Variants in PRDM16 observed in about 807,000 individuals in gnomAD.
The protein encoded by PRDM16 is histone-lysine N-methyltransferase PRDM16.
In PRDM16, 23 loss-of-function variants were observed where a neutral mutation model predicts 110.6. That is an observed-to-expected ratio of 0.21 (90% CI 0.15 to 0.29). The LOEUF (loss-of-function observed/expected upper bound fraction) is 0.29, where lower values mean the gene tolerates loss of function less well. PRDM16 is among the 10% of genes least tolerant of loss of function. The pLI is 1.00. For missense variants in PRDM16, 1,615 were observed against 1,794.3 expected (o/e 0.90, Z 1.81); for synonymous variants, 799 against 781.8 (o/e 1.02, Z -0.37).
chr1:3,436,328 C>T lies in PRDM16; in HGVS notation c.*2517C>T, dbSNP rs1638908869. The T allele has an allele frequency of 4.3e-6, 1 of 231,370 alleles. No homozygotes were observed. Among genetic ancestry groups the T allele is most frequent in the African/African-American group, 2.2e-5 (1 of 45,322 alleles). 14.3% of individuals were successfully genotyped at this position (231,370 alleles called of 1,614,324 possible). A position where few individuals can be genotyped will look rare whatever the true frequency, so the allele number is the denominator to read the frequency against. ...CCCTTACCGTTGGTCTCCGGATCCC[C>T]CAGTCCCATCCCGCCGTTTTCGGCT... On this transcript the variant is annotated 3_prime_UTR_variant, in exon 17 of 17. Transcript: ENST00000270722.
chr1:3,166,288 G>A lies in PRDM16; in HGVS notation c.38-19837G>A, dbSNP rs1411772583. Among the ~76,000 whole-genome samples the A allele has an allele frequency of 2.6e-5, 4 of 152,392 alleles. No individual in the cohort carries two copies. The East Asian group carries it at 7.7e-4, about 29-fold the overall frequency. On this transcript the variant is annotated intron_variant, in intron 1 of 16. Transcript: ENST00000270722. ...CTCAAACACGGGGCTGTCTGGTGGT[G>A]GGCGTTCTGCGGAGGCAACTCCGAT...
At chr1:3,280,050 GA>G (rs141979943) in intron 3 of PRDM16, among the ~76,000 whole-genome samples, 16,029 of 144,208 alleles carry the variant, frequency 0.11, 1,027 homozygotes, top group East Asian at 0.28. Flanking sequence ...CAAGCAGGGT[GA>G]AAAAAAAAAA....
At chr1:3,387,470 G>T (rs368799403) in intron 4 of PRDM16, among the ~76,000 whole-genome samples, 1 of 152,160 alleles carries the variant, frequency 6.6e-6, no homozygotes, top group African/African-American at 2.4e-5. Flanking sequence ...GGGCACTTCC[G>T]ACCCCCTCAA....
At chr1:3,218,315 T>C (rs1033045694) in intron 2 of PRDM16, among the ~76,000 whole-genome samples, 6 of 152,222 alleles carry the variant, frequency 3.9e-5, no homozygotes, top group Non-Finnish European at 8.8e-5. Context: ...GAAAGAATTA[T>C]TAGGCATGGC....
intron 3 of PRDM16, among the ~76,000 whole-genome samples, chr1:3,316,683 CAGGGTAGACAGGAAACAGTGACAT>C (rs1463757270): frequency 2.6e-5 from 4 of 151,062 alleles, no homozygotes; most frequent in African/African-American, 9.8e-5. Context: ...AACAGTGACA[CAGGGTAGACAGGAAACAGTGACAT>C]AGTGGAGCCA....
intron 3 of PRDM16, among the ~76,000 whole-genome samples, chr1:3,355,200 C>T (rs1642570021): frequency 6.6e-6 from 1 of 152,158 alleles, no homozygotes; most frequent in Non-Finnish European, 1.5e-5. Flanking sequence ...CCAGGCTCTG[C>T]AGCTGCATCT....
chr1:3,181,459 C>CAAGCAGTTTT (rs1311768968), intron 1 of PRDM16, among the ~76,000 whole-genome samples: 1 of 46,358 alleles, frequency 2.2e-5, no homozygotes, highest in Non-Finnish European at 6.8e-5. Context: ...CGGTCTTACA[C>CAAGCAGTTTT]ACGGTCTTAC....
chr1:3,181,184 G>T (rs112242973), intron 1 of PRDM16, among the ~76,000 whole-genome samples: 1 of 123,496 alleles, frequency 8.1e-6, no homozygotes, highest in South Asian at 2.8e-4. Flanking sequence ...TCTTACACAC[G>T]CAGTCTTACG....
intron 3 of PRDM16, among the ~76,000 whole-genome samples, chr1:3,321,483 T>A (rs868303357): frequency 4.0e-5 from 6 of 151,260 alleles, no homozygotes; most frequent in African/African-American, 1.5e-4. Flanking sequence ...TACATATGTG[T>A]GTTTGTGGGC....
At chr1:3,151,232 C>T (rs1301549110) in intron 1 of PRDM16, among the ~76,000 whole-genome samples, 4 of 152,200 alleles carry the variant, frequency 2.6e-5, no homozygotes, top group Non-Finnish European at 4.4e-5. Flanking sequence ...CACTCTGTAC[C>T]CCCATCTGGT....
At position 3,181,848 on chromosome 1, in the gene PRDM16, G is replaced by GCA. The variant is rs763157210; in HGVS notation, c.38-4277_38-4276insCA. The stretch of plus-strand genomic sequence containing the variant: ...GTCTTACACATTCAGTCTTACACAC[G>GCA]GTCTTACACACGCAGTCTTACACAC... On this transcript the variant is annotated intron_variant, in intron 1 of 16. Transcript: ENST00000270722. Among the ~76,000 whole-genome samples the GCA allele has an allele frequency of 1.0e-3, 85 of 83,242 alleles. 2 individuals are homozygous for GCA. The highest frequency in any genetic ancestry group is 1.8e-3 in the South Asian group (4 of 2,218). 54.6% of individuals were successfully genotyped at this position (83,242 alleles called of 152,430 possible).
At chr1:3,307,000 G>A in intron 3 of PRDM16, 1 of 152,222 alleles carries the variant, frequency 6.6e-6, no homozygotes, top group East Asian at 1.9e-4. Flanking sequence ...TTTGTGGCCT[G>A]TGCCGCTACC....
At chr1:3,383,351 C>G (rs1011923556) in intron 3 of PRDM16, among the ~76,000 whole-genome samples, 3 of 152,192 alleles carry the variant, frequency 2.0e-5, no homozygotes, top group Non-Finnish European at 4.4e-5. Context: ...CTATCTCACC[C>G]AGCACCTCTG....
intron 1 of PRDM16, among the ~76,000 whole-genome samples, chr1:3,122,180 C>T (rs1569613755): frequency 1.3e-5 from 2 of 152,270 alleles, no homozygotes; most frequent in South Asian, 2.1e-4. Flanking sequence ...TGGAAGCTTC[C>T]GCCTGCGCAC....
At position 3,364,603 on chromosome 1, in the gene PRDM16, C is replaced by T. The variant is rs377042211; in HGVS notation, c.439-20549C>T. ...CTAGTAATGACCCTGGGCTCCTGCA[C>T]GTGGCCCCCTGGTGCAAGGGCAAAA... On this transcript the variant is annotated intron_variant, in intron 3 of 16. Transcript: ENST00000270722. 2.6e-4 allele frequency among the ~76,000 whole-genome samples: 40 copies of T among 152,298 alleles called. 1 individual carries two copies. Among genetic ancestry groups the T allele is most frequent in the African/African-American group, 9.4e-4 (39 of 41,552 alleles).
Position 3,090,050 on chromosome 1 carries a change from A to G in PRDM16, c.37+20754A>G, listed in dbSNP as rs1038332749. On this transcript the variant is annotated intron_variant, in intron 1 of 16. Coordinates refer to ENST00000270722, the MANE Select transcript of PRDM16 (RefSeq NM_022114.4). ...TTGTTCACAGCTTCACCGGACAAAT[A>G]AGATATAACCCCCGCAAAGTAAACT... Among the ~76,000 whole-genome samples the G allele has an allele frequency of 4.6e-5, 7 of 152,354 alleles. No homozygotes were observed. The East Asian group carries it at 1.3e-3, about 29-fold the overall frequency.
At chr1:3,401,169 G>A (rs1322223404) in intron 5 of PRDM16, among the ~76,000 whole-genome samples, 1 of 152,184 alleles carries the variant, frequency 6.6e-6, no homozygotes, top group Non-Finnish European at 1.5e-5. Context: ...GCAAGGAGGT[G>A]CCACTTCTGG....
chr1:3,333,512 C>G (rs1642084290), intron 3 of PRDM16, among the ~76,000 whole-genome samples: 1 of 152,184 alleles, frequency 6.6e-6, no homozygotes, highest in Non-Finnish European at 1.5e-5. Flanking sequence ...GGCTTCAGAC[C>G]TAGAGCAGCA....
chr1:3,343,832 A>G (rs9424291), intron 3 of PRDM16, among the ~76,000 whole-genome samples: 50,295 of 151,944 alleles, frequency 0.33, 8,619 homozygotes, highest in South Asian at 0.47. Context: ...TAGTAGAGAC[A>G]GGCTTTCACC....
Sources: gnomAD v4.1 joint callset for allele counts (sites outside exome capture counted in the v4.1 genomes callset) on GRCh38, gnomAD v4.1.1 for gene constraint, MANE v1.5 for transcripts, NCBI Gene and HGNC (gene_info 2026-07-23, HGNC 2026-07-21) for gene names.